Variants in ZAP70 observed in about 807,000 individuals in gnomAD.
ZAP70 encodes the protein zeta chain of T cell receptor associated protein kinase 70.
ZAP70 carries 27 observed loss-of-function variants against 65.8 expected under a neutral mutation model. The observed-to-expected ratio is 0.41, with a 90% CI of 0.30 to 0.57. The LOEUF is 0.57. Ranked by LOEUF, ZAP70 falls within the 20% of genes least tolerant of loss-of-function variation. ZAP70 has a pLI of 0.28. For synonymous variants in ZAP70, 363 were observed against 360.8 expected, an observed-to-expected ratio of 1.01 and a Z score of -0.07; for missense variants, 696 against 870.5, an observed-to-expected ratio of 0.80 and a Z score of 2.52.
chr2:97,751,933 C>T, the ZAP70 span, among the ~76,000 whole-genome samples: 346 of 152,336 alleles, frequency 2.3e-3, 2 homozygotes, highest in African/African-American at 7.7e-3. Context: ...ATCCCCTCCA[C>T]CAAGCCCCAC....
the ZAP70 span, among the ~76,000 whole-genome samples, chr2:97,749,566 G>A: frequency 2.0e-5 from 3 of 152,238 alleles, no homozygotes; most frequent in South Asian, 2.1e-4. Context: ...GGGGACTGAC[G>A]GCAAAGGAAT....
At chr2:97,734,999 G>A (rs1677799674) in intron 9 of ZAP70, 5 of 647,066 alleles carry the variant, frequency 7.7e-6, no homozygotes, top group Admixed American at 2.9e-5. Flanking sequence ...CTGACAGGCT[G>A]CCCCTGGGGA....
rs1437482221 is a variant in ZAP70 at position 97,730,972 on chromosome 2, A to G, written c.564-1911A>G. Among the ~76,000 whole-genome samples, 4 of 149,912 alleles carry G rather than the reference A, an allele frequency of 2.7e-5. No individual in the cohort carries two copies. The Admixed American group carries it at 2.7e-4, about 10-fold the overall frequency. On this transcript the variant is annotated intron_variant, in intron 4 of 13. Coordinates refer to ENST00000264972, the MANE Select transcript of ZAP70 (RefSeq NM_001079.4). The stretch of plus-strand genomic sequence containing the variant: ...TGGGAGGCTGAGGCAGGAGAATGGC[A>G]TGGACCCAGGAGGCAGAGCTTGCAG...
intron 4 of ZAP70, among the ~76,000 whole-genome samples, chr2:97,726,216 G>A (rs1223545003): frequency 3.3e-5 from 5 of 152,188 alleles, no homozygotes; most frequent in African/African-American, 1.2e-4. Context: ...CTATTTGTGA[G>A]TTTGTTAATG....
rs1272129565 is a variant in ZAP70 at position 97,734,572 on chromosome 2, G to T, written c.942G>T (p.Val314=). The T allele has an allele frequency of 6.2e-7, 1 of 1,614,066 alleles. No homozygotes were observed. The highest frequency in any genetic ancestry group is 1.3e-5 in the African/African-American group (1 of 74,948). ...KPRPMPMDTS[V]YESPYSDPEE... ...GGCCGATGCCCATGGACACGAGCGTGTATGAGAGCCCCTACAGCGACCCAG... is the reference window on the plus strand; with the variant it reads ...GGCCGATGCCCATGGACACGAGCGTTTATGAGAGCCCCTACAGCGACCCAG... The change falls in exon 9 of 14, where the codon GTG becomes GTT. Residue 314 remains valine (V), a synonymous_variant. Transcript: ENST00000264972.
the ZAP70 span, among the ~76,000 whole-genome samples, chr2:97,747,803 T>TACTGGCAC: frequency 1.4e-5 from 2 of 147,246 alleles, no homozygotes; most frequent in African/African-American, 5.0e-5. Context: ...ACCTGGCCTG[T>TACTGGCAC]ACTGGCACGA....
At chr2:97,724,809 C>T in intron 3 of ZAP70, 2 of 1,510,394 alleles carry the variant, frequency 1.3e-6, no homozygotes, top group South Asian at 1.2e-5. Flanking sequence ...GGGCAGTAGT[C>T]GTCCACAGCC....
chr2:97,726,664 T>C (rs1677400633), intron 4 of ZAP70, among the ~76,000 whole-genome samples: 1 of 152,264 alleles, frequency 6.6e-6, no homozygotes, highest in South Asian at 2.1e-4. Context: ...AAGATTCTGT[T>C]GTGGGCTGAT....
chr2:97,733,491 T>A, intron 7 of ZAP70, 53 bp from the exon 8 acceptor site: 1 of 1,612,322 alleles, frequency 6.2e-7, no homozygotes, highest in Non-Finnish European at 8.5e-7. Context: ...ATAGGTCTCA[T>A]GAGAGGGGCT....
chr2:97,725,573 T>A (rs1056414967), intron 4 of ZAP70, among the ~76,000 whole-genome samples: 1 of 152,180 alleles, frequency 6.6e-6, no homozygotes, highest in Non-Finnish European at 1.5e-5. Flanking sequence ...AAATATTTAC[T>A]GAATACCTAC....
chr2:97,739,276 A>G, intron 13 of ZAP70, 99 bp from the exon 14 acceptor site: 1 of 1,555,052 alleles, frequency 6.4e-7, no homozygotes, highest in African/African-American at 1.4e-5. Context: ...TCTGAGCCCC[A>G]AAAGTCTACC....
intron 2 of ZAP70, among the ~76,000 whole-genome samples, chr2:97,721,557 G>A (rs762192989): frequency 1.3e-5 from 2 of 150,522 alleles, no homozygotes; most frequent in Admixed American, 6.6e-5. Flanking sequence ...GGGACTACAG[G>A]CGCCCGCCAC....
At chr2:97,738,917 C>G in intron 13 of ZAP70, among the ~76,000 whole-genome samples, 1 of 152,252 alleles carries the variant, frequency 6.6e-6, no homozygotes, top group East Asian at 1.9e-4. Context: ...TTAATACTGC[C>G]GCTCCCCGCT....
Position 97,737,466 on chromosome 2 carries a change from A to G in ZAP70, c.1290-7A>G. 1 of 1,613,806 alleles carries G rather than the reference A, an allele frequency of 6.2e-7. No individual in the cohort carries two copies. The highest frequency in any genetic ancestry group is 1.3e-5 in the African/African-American group (1 of 74,958). ...CCCAGCTGACCCCGCCTTCCCCGCC[A>G]CCCCAGGGAGGAGATCCCTGTGAGC... On this transcript the variant is annotated splice_polypyrimidine_tract_variant and splice_region_variant and intron_variant, in intron 10 of 13. Coordinates refer to ENST00000264972, the MANE Select transcript of ZAP70 (RefSeq NM_001079.4). The surrounding 1 kb of genome is among the most constrained non-coding windows in gnomAD (Gnocchi z 5.0).
rs116099507 is a variant in ZAP70 at position 97,729,662 on chromosome 2, T to C, written c.564-3221T>C. 6.9e-3 allele frequency among the ~76,000 whole-genome samples: 1,046 copies of C among 152,256 alleles called. 2 individuals are homozygous for C. Among genetic ancestry groups the C allele is most frequent in the Non-Finnish European group, 0.01 (712 of 68,034 alleles). On this transcript the variant is annotated intron_variant, in intron 4 of 13. Coordinates refer to ENST00000264972, the MANE Select transcript of ZAP70 (RefSeq NM_001079.4). ...AGAGATACAAGTTGATTTTTTAGCC[T>C]GTACTTCTGGCTTAAGTGCAAGTTC...
At chr2:97,754,241 G>A in the ZAP70 span, among the ~76,000 whole-genome samples, 1 of 152,116 alleles carries the variant, frequency 6.6e-6, no homozygotes, top group African/African-American at 2.4e-5. Flanking sequence ...CAAGTACACA[G>A]TGTTTCTCTC....
In ZAP70 at chr2:97,715,156, C is replaced by A. The variant is rs181925126; in HGVS notation, c.-22+1162C>A. Among the ~76,000 whole-genome samples the A allele has an allele frequency of 1.1e-3, 169 of 152,308 alleles. No individual in the cohort carries two copies. The highest frequency in any genetic ancestry group is 4.0e-3 in the African/African-American group (168 of 41,564). ...GCTCTCCGGGGCTGCAGCACCCAGA[C>A]CACCCCGTGCTGACCACTCCCTGCC... is the stretch of plus-strand genomic sequence containing the variant. On this transcript the variant is annotated intron_variant, in intron 2 of 13. Transcript: ENST00000264972. The surrounding 1 kb of genome is among the most constrained non-coding windows in gnomAD (Gnocchi z 4.1).
chr2:97,717,660 A>T (rs1676992672), intron 2 of ZAP70, among the ~76,000 whole-genome samples: 1 of 152,200 alleles, frequency 6.6e-6, no homozygotes, highest in Admixed American at 6.5e-5. Flanking sequence ...GGCTTTGCTG[A>T]ATAGGTGTGG....
chr2:97,735,911 G>A (rs1267186069), intron 10 of ZAP70, among the ~76,000 whole-genome samples: 5 of 152,226 alleles, frequency 3.3e-5, no homozygotes, highest in African/African-American at 1.2e-4. Context: ...AGGAGGCTGA[G>A]GCAGGAGAAT....
Sources: allele counts gnomAD v4.1 joint callset (sites outside exome capture counted in the v4.1 genomes callset), GRCh38; gene constraint gnomAD v4.1.1; non-coding constraint Gnocchi (gnomAD v3.1); transcripts MANE v1.5; gene names NCBI Gene and HGNC (gene_info 2026-07-23, HGNC 2026-07-21).